SORBS3: variants seen among roughly 807,000 people sequenced by gnomAD.
The protein encoded by SORBS3 is vinexin.
A neutral mutation model predicts 98.0 loss-of-function variants in SORBS3; 69 were observed. The ratio of observed to expected loss-of-function variants is 0.70; its 90% CI spans 0.58 to 0.86. The LOEUF (loss-of-function observed/expected upper bound fraction) is 0.86. Ranked by LOEUF, SORBS3 falls within the 40% of genes least tolerant of loss-of-function variation. SORBS3 has a pLI of 0.00. For missense variants in SORBS3, 954 were observed against 908.5 expected (o/e 1.05, Z -0.64); for synonymous variants, 394 against 355.4 (o/e 1.11, Z -1.22).
At chr8:22,573,562 G>A (rs528649181) in intron 20 of SORBS3, 88 of 386,388 alleles carry the variant, frequency 2.3e-4, no homozygotes, top group Admixed American at 3.5e-4. Flanking sequence ...TTTAGTTAGT[G>A]CAGGTCAGGG....
At chr8:22,564,393 G>GA in intron 9 of SORBS3, 24 bp downstream of exon 9, 3 of 1,613,674 alleles carry the variant, frequency 1.9e-6, no homozygotes, top group Non-Finnish European at 2.5e-6. Context: ...GGCTCTCGGG[G>GA]TGTGCACGCA....
chr8:22,553,366 T>G (rs1220182635), intron 1 of SORBS3, among the ~76,000 whole-genome samples: 3 of 152,194 alleles, frequency 2.0e-5, no homozygotes, highest in Non-Finnish European at 4.4e-5. Flanking sequence ...TTCCATCCAG[T>G]CCTGGGCAGT....
intron 5 of SORBS3, chr8:22,561,053 C>T: frequency 2.6e-6 from 1 of 391,318 alleles, no homozygotes; most frequent in South Asian, 7.8e-5. Context: ...CCACAAAGGT[C>T]AGGAGAGGGT....
At chr8:22,546,446 T>C (rs1197847433) in intron 1 of SORBS3, among the ~76,000 whole-genome samples, 1 of 152,104 alleles carries the variant, frequency 6.6e-6, no homozygotes, top group African/African-American at 2.4e-5. Flanking sequence ...AAAGGACCTC[T>C]CTCTTTCGTC....
intron 5 of SORBS3, among the ~76,000 whole-genome samples, chr8:22,559,403 AG>A (rs1427295084): frequency 3.3e-5 from 5 of 152,184 alleles, no homozygotes; most frequent in Admixed American, 2.6e-4. Context: ...AAAAGACTGT[AG>A]GAGTAGCATT....
chr8:22,556,238 C>T (rs369031989), intron 3 of SORBS3, among the ~76,000 whole-genome samples: 23 of 152,156 alleles, frequency 1.5e-4, no homozygotes, highest in Non-Finnish European at 2.1e-4. Context: ...CAGTCACACA[C>T]GCTAGATGTC....
intron 20 of SORBS3, among the ~76,000 whole-genome samples, chr8:22,573,056 G>C (rs1840631568): frequency 6.6e-6 from 1 of 152,200 alleles, no homozygotes; most frequent in African/African-American, 2.4e-5. Context: ...AGAGTGGCCA[G>C]AAGCCCCCTG....
At chr8:22,565,453 C>A in intron 11 of SORBS3, 99 bp downstream of exon 11, 1 of 971,440 alleles carries the variant, frequency 1.0e-6, no homozygotes. Flanking sequence ...GGACGGGCAG[C>A]CGAGGTCCGG....
chr8:22,569,396 G>C, intron 17 of SORBS3, 123 bp downstream of exon 17: 1 of 857,882 alleles, frequency 1.2e-6, no homozygotes, highest in South Asian at 2.3e-5. Context: ...CTGTAGCGCA[G>C]TGGTGCCATC....
At chr8:22,549,894 C>A (rs1563809351), upstream of SORBS3, 2 of 724,428 alleles carry the variant, frequency 2.8e-6, no homozygotes, top group Admixed American at 6.3e-5. Flanking sequence ...AAATATTTAT[C>A]TTGGAGTCCA....
At chr8:22,571,932 C>A in intron 19 of SORBS3, 111 bp downstream of exon 19, 1 of 774,830 alleles carries the variant, frequency 1.3e-6, no homozygotes, top group Non-Finnish European at 2.2e-6. Context: ...GAAACTTCTA[C>A]CAGGTAGCCC....
At chr8:22,565,083 C>A in intron 10 of SORBS3, 185 bp from the exon 11 acceptor site, 1 of 1,433,818 alleles carries the variant, frequency 7.0e-7, no homozygotes, top group Non-Finnish European at 9.1e-7. Context: ...GGTGAGAGGC[C>A]GTGGCGGGGA....
Position 22,564,306 on chromosome 8 carries a change from A to C in SORBS3, c.699A>C (p.Val233=). ...AGGTGCTCAGACGCCGGGAAAAAGT[A>C]GACAATGTCTGGACGGAAGAGTCCT... ...SNQVLRRREK[V]DNVWTEESWN... The change falls in exon 9 of 21, where the codon GTA becomes GTC. Residue 233 remains valine, a synonymous_variant. Transcript: ENST00000240123. The C allele has an allele frequency of 6.2e-7, 1 of 1,610,796 alleles. No individual in the cohort carries two copies. Among genetic ancestry groups the C allele is most frequent in the South Asian group, 1.1e-5 (1 of 90,704 alleles).
chr8:22,572,683 T>C (rs1340826411), intron 20 of SORBS3, among the ~76,000 whole-genome samples: 1 of 152,190 alleles, frequency 6.6e-6, no homozygotes, highest in Non-Finnish European at 1.5e-5. Flanking sequence ...CAGTCCAGGG[T>C]CACTGATGGA....
chr8:22,561,473 C>T, intron 6 of SORBS3, 100 bp downstream of exon 6: 1 of 1,289,398 alleles, frequency 7.8e-7, no homozygotes, highest in Non-Finnish European at 1.1e-6. Context: ...TGGGGCTCTC[C>T]AGTTGGCTCA....
intron 16 of SORBS3, among the ~76,000 whole-genome samples, chr8:22,567,813 C>T (rs576284021): frequency 1.5e-4 from 22 of 151,002 alleles, no homozygotes; most frequent in Admixed American, 1.5e-3. Context: ...CTATCCTTTT[C>T]ATGTCAGTAA....
At position 22,574,932 on chromosome 8, in the gene SORBS3, A is replaced by G. The variant is rs1376867513; in HGVS notation, c.*204A>G. ...CCCACGACTCACAGGCATTCCTCCCACAGCCCTTTCATTTCCTCCCCACCC... is the reference window on the plus strand; with the variant it reads ...CCCACGACTCACAGGCATTCCTCCCGCAGCCCTTTCATTTCCTCCCCACCC... On this transcript the variant is annotated 3_prime_UTR_variant, in exon 21 of 21. Coordinates refer to ENST00000240123, the MANE Select transcript of SORBS3 (RefSeq NM_005775.5). The G allele has an allele frequency of 4.5e-6, 3 of 667,724 alleles. No homozygotes were observed. Among genetic ancestry groups the G allele is most frequent in the Non-Finnish European group, 8.1e-6 (3 of 369,604 alleles). 41.4% of individuals were successfully genotyped at this position (667,724 alleles called of 1,614,324 possible).
At chr8:22,572,301 T>A in intron 19 of SORBS3, 39 bp from the exon 20 acceptor site, 1 of 1,557,468 alleles carries the variant, frequency 6.4e-7, no homozygotes, top group Non-Finnish European at 8.9e-7. Flanking sequence ...TTAGAGCCTC[T>A]GGGCCCATTC....
At chr8:22,548,683 C>T (rs574279535), upstream of SORBS3, among the ~76,000 whole-genome samples, 1 of 152,308 alleles carries the variant, frequency 6.6e-6, no homozygotes, top group East Asian at 1.9e-4. Flanking sequence ...GGGTAGATCT[C>T]AGAGGGTGAC....
Sources: gnomAD v4.1 joint callset for allele counts (sites outside exome capture counted in the v4.1 genomes callset) on GRCh38, gnomAD v4.1.1 for gene constraint, MANE v1.5 for transcripts, NCBI Gene and HGNC (gene_info 2026-07-23, HGNC 2026-07-21) for gene names.